The following OR9Q1 variants were observed in gnomAD, a reference collection of about 807,000 sequenced individuals.
The protein encoded by OR9Q1 is olfactory receptor family 9 subfamily Q member 1.
For synonymous variants in OR9Q1, 153 were observed against 148.6 expected, an observed-to-expected ratio of 1.03 and a Z score of -0.22; for missense variants, 374 against 378.8, an observed-to-expected ratio of 0.99 and a Z score of 0.11.
chr11:58,135,556 G>A (rs1168343436), intron 2 of OR9Q1, among the ~76,000 whole-genome samples: 1 of 152,154 alleles, frequency 6.6e-6, no homozygotes, highest in African/African-American at 2.4e-5. Flanking sequence ...GTGGCAGAGA[G>A]AGAATCACTG....
At chr11:58,145,814 C>A (rs7949558) in intron 2 of OR9Q1, among the ~76,000 whole-genome samples, 38,006 of 151,992 alleles carry the variant, frequency 0.25, 4,934 homozygotes, top group Middle Eastern at 0.37. Flanking sequence ...TTGTGCCTAG[C>A]ATGATTACAA....
chr11:58,027,422 G>A (rs1318708587), intron 1 of OR9Q1, among the ~76,000 whole-genome samples: 1 of 152,188 alleles, frequency 6.6e-6, no homozygotes, highest in Admixed American at 6.5e-5. Flanking sequence ...CTTGTAGCCT[G>A]TTTGTGTATG....
chr11:58,119,058 T>G, intron 2 of OR9Q1: 1 of 1,613,878 alleles, frequency 6.2e-7, no homozygotes, highest in Non-Finnish European at 8.5e-7. Flanking sequence ...TATAGAGCAG[T>G]GGGTTGCGAA....
Position 58,118,673 on chromosome 11 carries a change from T to C in OR9Q1, c.-14-60758T>C, listed in dbSNP as rs144935447. 1,934 of 1,613,976 alleles carry C rather than the reference T, an allele frequency of 1.2e-3. 3 individuals are homozygous for C. Among genetic ancestry groups the C allele is most frequent in the Non-Finnish European group, 1.5e-3 (1,751 of 1,179,974 alleles). On this transcript the variant is annotated intron_variant, in intron 2 of 2. Transcript: ENST00000335397. Reference sequence around the variant, plus strand: ...TTGCCTGAGCCACTTTGCAGATACATGAAGATAAGGGCTCCAAAGAAAAGG... The same window carrying C: ...TTGCCTGAGCCACTTTGCAGATACACGAAGATAAGGGCTCCAAAGAAAAGG...
intron 2 of OR9Q1, among the ~76,000 whole-genome samples, chr11:58,107,204 C>G (rs1351152236): frequency 2.0e-5 from 3 of 151,872 alleles, no homozygotes; most frequent in Non-Finnish European, 4.4e-5. Context: ...TGTTGGTTTG[C>G]TGCACCCATT....
chr11:58,028,383 G>A (rs1054223123), intron 1 of OR9Q1, among the ~76,000 whole-genome samples: 13 of 152,190 alleles, frequency 8.5e-5, no homozygotes, highest in Admixed American at 2.6e-4. Flanking sequence ...CAGATGAAAG[G>A]ACAGGTAAGA....
At chr11:58,067,705 C>G (rs1438562860) in intron 2 of OR9Q1, among the ~76,000 whole-genome samples, 7 of 152,176 alleles carry the variant, frequency 4.6e-5, no homozygotes, top group Admixed American at 4.6e-4. Flanking sequence ...AGTCCACATA[C>G]AGCAGGAATG....
chr11:58,129,089 A>G (rs1854116260), intron 2 of OR9Q1, among the ~76,000 whole-genome samples: 2 of 152,178 alleles, frequency 1.3e-5, no homozygotes, highest in Admixed American at 1.3e-4. Flanking sequence ...TTCTTGCTCC[A>G]GGTACATATC....
At chr11:58,102,587 A>G (rs1590590973) in intron 2 of OR9Q1, among the ~76,000 whole-genome samples, 1 of 151,042 alleles carries the variant, frequency 6.6e-6, no homozygotes, top group African/African-American at 2.4e-5. Flanking sequence ...CATTTTGAGT[A>G]TATCATTTCA....
In OR9Q1 at chr11:58,107,030, A is replaced by T. The variant is rs115336867; in HGVS notation, c.-15+51083A>T. ...ATGCCATTGGGATTTTGATGGGAAT[A>T]GCATTAAATTTGTAGATTGCTTTGG... On this transcript the variant is annotated intron_variant, in intron 2 of 2. Transcript: ENST00000335397. Among the ~76,000 whole-genome samples, 622 of 152,310 alleles carry T rather than the reference A, an allele frequency of 4.1e-3. 4 individuals carry two copies. Among genetic ancestry groups the T allele is most frequent in the African/African-American group, 0.013 (560 of 41,582 alleles).
chr11:58,118,279 C>G, intron 2 of OR9Q1: 1 of 475,728 alleles, frequency 2.1e-6, no homozygotes. Context: ...CTGCCCAGTG[C>G]TAAGGAATGG....
At chr11:58,077,908 G>A (rs757270043) in intron 2 of OR9Q1, 1 of 152,208 alleles carries the variant, frequency 6.6e-6, no homozygotes, top group Non-Finnish European at 1.5e-5. Context: ...TGTAATCCCA[G>A]GACTTTAGGA....
chr11:58,032,323 CA>C (rs1316844368), intron 1 of OR9Q1, among the ~76,000 whole-genome samples: 1 of 151,600 alleles, frequency 6.6e-6, no homozygotes, highest in Non-Finnish European at 1.5e-5. Context: ...CAAAAAAAAC[CA>C]AAAAAATAAA....
chr11:58,105,435 A>G (rs1853830616), intron 2 of OR9Q1, among the ~76,000 whole-genome samples: 1 of 152,204 alleles, frequency 6.6e-6, no homozygotes, highest in Admixed American at 6.5e-5. Flanking sequence ...ACCAAAATCA[A>G]AATAACAAAA....
intron 1 of OR9Q1, chr11:58,031,406 T>C (rs758213493): frequency 6.2e-7 from 1 of 1,614,216 alleles, no homozygotes; most frequent in South Asian, 1.1e-5. Context: ...GGCAGCTGCC[T>C]GTTGGCTGGT....
chr11:58,068,130 G>A (rs1853447440), intron 2 of OR9Q1, among the ~76,000 whole-genome samples: 1 of 151,490 alleles, frequency 6.6e-6, no homozygotes, highest in Admixed American at 6.6e-5. Flanking sequence ...CCTGAGTTCA[G>A]GAGTTCAAGA....
At chr11:58,117,530 G>A (rs1853968787) in intron 2 of OR9Q1, 1 of 152,180 alleles carries the variant, frequency 6.6e-6, no homozygotes, top group Non-Finnish European at 1.5e-5. Flanking sequence ...CAATAGTGAA[G>A]AAAACATTCT....
chr11:58,180,633 T>A lies in OR9Q1; in HGVS notation c.*256T>A. On this transcript the variant is annotated 3_prime_UTR_variant, in exon 3 of 3. Transcript: ENST00000335397. Reference sequence around the variant, plus strand: ...GAAATTAAAGCCTGTGCAATCCAAATATGGCACACTTCACCTGTCTGTGAT... The same window carrying A: ...GAAATTAAAGCCTGTGCAATCCAAAAATGGCACACTTCACCTGTCTGTGAT... 1 of 342,290 alleles carries A rather than the reference T, an allele frequency of 2.9e-6. No homozygotes were observed. The highest frequency in any genetic ancestry group is 4.3e-5 in the Admixed American group (1 of 23,226). 21.2% of individuals were successfully genotyped at this position (342,290 alleles called of 1,614,324 possible).
chr11:58,036,155 A>C (rs1309769641), intron 1 of OR9Q1, among the ~76,000 whole-genome samples: 1 of 151,992 alleles, frequency 6.6e-6, no homozygotes, highest in African/African-American at 2.4e-5. Flanking sequence ...TGTTTTGGGG[A>C]GCTATGAACT....
Sources: allele counts gnomAD v4.1 joint callset (sites outside exome capture counted in the v4.1 genomes callset), GRCh38; gene constraint gnomAD v4.1.1; transcripts MANE v1.5; gene names NCBI Gene and HGNC (gene_info 2026-07-23, HGNC 2026-07-21).